Variants in ANKRD28 observed in about 807,000 individuals in gnomAD.
ANKRD28 encodes serine/threonine-protein phosphatase 6 regulatory ankyrin repeat subunit A.
ANKRD28 carries 44 observed loss-of-function variants against 126.5 expected under a neutral mutation model. The ratio of observed to expected loss-of-function variants is 0.35; its 90% CI spans 0.27 to 0.45. The LOEUF (loss-of-function observed/expected upper bound fraction) is 0.45. ANKRD28 is among the 20% of genes least tolerant of loss of function. The pLI, the probability that ANKRD28 is intolerant of heterozygous loss-of-function variation, is 1.00. For missense variants in ANKRD28, 1,110 were observed against 1,316.6 expected, an observed-to-expected ratio of 0.84 and a Z score of 2.43; for synonymous variants, 442 against 468.5, an observed-to-expected ratio of 0.94 and a Z score of 0.73.
intron 6 of ANKRD28, among the ~76,000 whole-genome samples, chr3:15,727,436 G>A (rs528951638): frequency 6.3e-4 from 95 of 151,706 alleles, no homozygotes; most frequent in African/African-American, 2.2e-3. Context: ...GTGTGGTGGC[G>A]GGTGCCTGTA....
At chr3:15,707,071 G>A (rs76894862) in intron 14 of ANKRD28, among the ~76,000 whole-genome samples, 2,794 of 152,170 alleles carry the variant, frequency 0.018, 202 homozygotes, top group Admixed American at 0.11. Flanking sequence ...TTTTGAGGGC[G>A]AAAAGTAAAT....
rs972091977 is a variant in ANKRD28, at chr3:15,689,925, T to G, written c.1963+94A>C. 10 of 1,230,362 alleles carry G rather than the reference T, an allele frequency of 8.1e-6. No homozygotes were observed. The Admixed American group carries it at 1.4e-4, about 17-fold the overall frequency. The allele number at this position is 1,230,362 out of a possible 1,614,324, so 76.2% of individuals were successfully genotyped here. ...TTTGAAAAAAAAAAAGGTCAAAATT[T>G]TAAAGACAATTAACTGGAAATATTA... is the stretch of plus-strand genomic sequence containing the variant. On this transcript the variant is annotated intron_variant, in intron 18 of 27. Coordinates refer to ENST00000683139, the MANE Select transcript of ANKRD28 (RefSeq NM_001349278.2).
At chr3:15,754,637 G>A (rs917988204) in intron 3 of ANKRD28, among the ~76,000 whole-genome samples, 1 of 152,048 alleles carries the variant, frequency 6.6e-6, no homozygotes, top group African/African-American at 2.4e-5. Flanking sequence ...GGGGGTCTTG[G>A]AACATACCTC....
chr3:15,694,895 C>CT, intron 16 of ANKRD28, 82 bp from the exon 17 acceptor site: 1 of 1,316,068 alleles, frequency 7.6e-7, no homozygotes, highest in Non-Finnish European at 1.1e-6. Flanking sequence ...TCAAATCCAC[C>CT]TTAGAGTATT....
chr3:15,746,938 T>C (rs1315138698), intron 4 of ANKRD28, among the ~76,000 whole-genome samples: 1 of 152,166 alleles, frequency 6.6e-6, no homozygotes, highest in Non-Finnish European at 1.5e-5. Context: ...GGTTGGATAT[T>C]TCCAGGAGTT....
At chr3:15,805,324 C>T (rs1273832821) in intron 1 of ANKRD28, among the ~76,000 whole-genome samples, 1 of 152,054 alleles carries the variant, frequency 6.6e-6, no homozygotes, top group Non-Finnish European at 1.5e-5. Context: ...AGGTTATTTT[C>T]TTCATAATTT....
chr3:15,773,911 G>C (rs2059137216), intron 2 of ANKRD28, among the ~76,000 whole-genome samples: 2 of 152,158 alleles, frequency 1.3e-5, no homozygotes, highest in Admixed American at 6.5e-5. Flanking sequence ...CACGCTGTTT[G>C]ACTGCAATAA....
rs144348331 is a variant in ANKRD28 at position 15,837,486 on chromosome 3, A to G, written c.27+21891T>C. The stretch of plus-strand genomic sequence containing the variant: ...TAAGTAAATTAGAAATCAAAGATAA[A>G]AAGAAATTTCAGAAATCCAAACATG... On this transcript the variant is annotated intron_variant, in intron 1 of 27. Transcript: ENST00000399451. Among the ~76,000 whole-genome samples, 519 of 152,338 alleles carry G rather than the reference A, an allele frequency of 3.4e-3. 3 individuals are homozygous for G. The highest frequency in any genetic ancestry group is 0.012 in the African/African-American group (501 of 41,584).
intron 27 of ANKRD28, among the ~76,000 whole-genome samples, chr3:15,671,820 A>G (rs934119734): frequency 6.6e-6 from 1 of 152,010 alleles, no homozygotes; most frequent in Non-Finnish European, 1.5e-5. Context: ...CCTGGCCTCA[A>G]GTGATCTGCC....
intron 8 of ANKRD28, among the ~76,000 whole-genome samples, chr3:15,719,694 G>C (rs536953869): frequency 5.3e-4 from 80 of 151,928 alleles, no homozygotes; most frequent in African/African-American, 1.8e-3. Flanking sequence ...TCAGCCTCCT[G>C]AGTACCTAGG....
intron 4 of ANKRD28, among the ~76,000 whole-genome samples, chr3:15,750,159 T>C (rs2125354965): frequency 6.6e-6 from 1 of 152,360 alleles, no homozygotes; most frequent in Non-Finnish European, 1.5e-5. Flanking sequence ...TCTGCAAATA[T>C]ATAAATTGTA....
chr3:15,791,081 A>G (rs1343235297), intron 2 of ANKRD28, among the ~76,000 whole-genome samples: 1 of 152,124 alleles, frequency 6.6e-6, no homozygotes, highest in Non-Finnish European at 1.5e-5. Flanking sequence ...GAAGTAAAAG[A>G]TCTCTATAAT....
chr3:15,828,648 T>C (rs1247474834), intron 1 of ANKRD28, among the ~76,000 whole-genome samples: 2 of 101,478 alleles, frequency 2.0e-5, no homozygotes, highest in East Asian at 6.6e-4. Context: ...AACAAAAATA[T>C]TAGTATCTGG....
chr3:15,729,170 C>T (rs762936168), intron 6 of ANKRD28, among the ~76,000 whole-genome samples: 22 of 152,212 alleles, frequency 1.4e-4, no homozygotes, highest in Non-Finnish European at 2.9e-4. Flanking sequence ...AGGAAGGGGG[C>T]CATGTATCTG....
intron 2 of ANKRD28, among the ~76,000 whole-genome samples, chr3:15,790,689 T>A (rs553345721): frequency 5.2e-4 from 79 of 152,184 alleles, no homozygotes; most frequent in Non-Finnish European, 8.8e-4. Context: ...AGTATCATGC[T>A]GAATGAGGAA....
At chr3:15,740,621 A>G (rs2075384529) in intron 4 of ANKRD28, among the ~76,000 whole-genome samples, 1 of 152,222 alleles carries the variant, frequency 6.6e-6, no homozygotes, top group Non-Finnish European at 1.5e-5. Context: ...ACAGAATACT[A>G]GAGATGTCAG....
intron 4 of ANKRD28, among the ~76,000 whole-genome samples, chr3:15,743,496 A>T (rs1284428577): frequency 6.6e-6 from 1 of 151,356 alleles, no homozygotes; most frequent in Non-Finnish European, 1.5e-5. Context: ...ATTCCTGATT[A>T]GGTTAAAATA....
intron 1 of ANKRD28, among the ~76,000 whole-genome samples, chr3:15,831,139 T>C (rs2061179187): frequency 6.6e-6 from 1 of 152,298 alleles, no homozygotes; most frequent in East Asian, 1.9e-4. Flanking sequence ...ATACCATTAA[T>C]TTAACTGCTT....
chr3:15,710,146 A>C (rs948061938), intron 12 of ANKRD28, among the ~76,000 whole-genome samples: 3 of 151,950 alleles, frequency 2.0e-5, no homozygotes, highest in African/African-American at 7.3e-5. Flanking sequence ...GCGATCCTCC[A>C]AGTCTCAGCC....
Sources: gnomAD v4.1 joint callset for allele counts (sites outside exome capture counted in the v4.1 genomes callset) on GRCh38, gnomAD v4.1.1 for gene constraint, MANE v1.5 for transcripts, NCBI Gene and HGNC (gene_info 2026-07-23, HGNC 2026-07-21) for gene names.